Variants in NBL1 observed in about 807,000 individuals in gnomAD.
NBL1 encodes neuroblastoma suppressor of tumorigenicity 1.
Under a neutral mutation model 16.0 loss-of-function variants are expected in NBL1, and 9 were observed. The ratio of observed to expected loss-of-function variants is 0.56; its 90% CI spans 0.34 to 0.98. The LOEUF is 0.98. NBL1 is among the 50% of genes least tolerant of loss of function. The pLI is 0.02. For missense variants in NBL1, 196 were observed against 243.1 expected (o/e 0.81, Z 1.29); for synonymous variants, 86 against 100.7 (o/e 0.85, Z 0.87).
intron 1 of NBL1, chr1:19,646,032 C>T (rs1435568519): frequency 5.2e-6 from 8 of 1,550,536 alleles, no homozygotes; most frequent in East Asian, 2.4e-5. Flanking sequence ...GGAGGGTCTG[C>T]GGTAAGGAGG....
chr1:19,647,882 T>TGCGC (rs1553313284), intron 1 of NBL1, among the ~76,000 whole-genome samples: 2 of 137,082 alleles, frequency 1.5e-5, no homozygotes, highest in African/African-American at 5.7e-5. Flanking sequence ...TGTGTGTGTG[T>TGCGC]GCGTGTGCGC....
chr1:19,643,579 G>T, upstream of NBL1: 1 of 1,407,654 alleles, frequency 7.1e-7, no homozygotes, highest in Non-Finnish European at 9.2e-7. This position sits in a 1 kb window ranked among gnomAD's most constrained non-coding sequence, Gnocchi z 4.7. Context: ...CCGAGGTGAG[G>T]CTGGAAGCTG....
chr1:19,645,652 T>A (rs2094974538), intron 1 of NBL1: 2 of 1,159,818 alleles, frequency 1.7e-6, no homozygotes, highest in East Asian at 1.1e-4. Context: ...TGGGGCTGCT[T>A]GGGCGTGGTT....
At chr1:19,654,105 A>G (rs2095042996) in intron 1 of NBL1, among the ~76,000 whole-genome samples, 4 of 152,174 alleles carry the variant, frequency 2.6e-5, no homozygotes, top group Admixed American at 2.0e-4. Context: ...TGGCCAGCCA[A>G]GGTGGCCCAG....
intron 3 of NBL1, 88 bp from the exon 4 acceptor site, chr1:19,656,778 A>C: frequency 6.8e-7 from 1 of 1,464,396 alleles, no homozygotes. Context: ...GGGATTCTTG[A>C]TCCCATGAGG....
At position 19,657,982 on chromosome 1, in the gene NBL1, C is replaced by T. The variant is rs76014377; in HGVS notation, c.*853C>T. On this transcript the variant is annotated 3_prime_UTR_variant, in exon 4 of 4. Coordinates refer to ENST00000375136, the MANE Select transcript of NBL1 (RefSeq NM_005380.8). ...CCAGAAAGCTGCCAGAGCCGGCCGCCTTCTCCCCTCTCCCAGGGATGCTCT... is the reference window on the plus strand; with the variant it reads ...CCAGAAAGCTGCCAGAGCCGGCCGCTTTCTCCCCTCTCCCAGGGATGCTCT... 1,283 of 153,150 alleles carry T rather than the reference C, an allele frequency of 8.4e-3. 18 individuals carry two copies. Among genetic ancestry groups the T allele is most frequent in the African/African-American group, 0.029 (1,214 of 41,578 alleles). The allele number at this position is 153,150 out of a possible 1,614,324, so 9.5% of individuals were successfully genotyped here.
chr1:19,645,622 C>T, intron 1 of NBL1: 1 of 1,115,370 alleles, frequency 9.0e-7, no homozygotes, highest in African/African-American at 1.6e-5. Context: ...AATGGGGCCT[C>T]CCTAGACTCC....
chr1:19,643,796 G>A, upstream of NBL1: 8 of 1,010,890 alleles, frequency 7.9e-6, no homozygotes, highest in Non-Finnish European at 9.5e-6. The surrounding 1 kb of genome is among the most constrained non-coding windows in gnomAD (Gnocchi z 4.7). Context: ...GGAGCGGACG[G>A]GATGAGGTGC....
Position 19,655,485 on chromosome 1 carries a change from AGCCTTG to A in NBL1, c.282+56_282+61del, listed in dbSNP as rs748990782. ...CCAGTCTCGGCCCGGAGCCTGCCCC[AGCCTTG>A]GCCTTTCTCCCCAGGCTCCTGTATT... On this transcript the variant is annotated intron_variant, in intron 3 of 3. Coordinates refer to ENST00000375136, the MANE Select transcript of NBL1 (RefSeq NM_005380.8). The A allele has an allele frequency of 4.4e-6, 7 of 1,594,174 alleles. No homozygotes were observed. The South Asian group carries it at 7.9e-5, about 18-fold the overall frequency.
At chr1:19,643,243 G>T, upstream of NBL1, 1 of 1,465,914 alleles carries the variant, frequency 6.8e-7, no homozygotes, top group Non-Finnish European at 9.5e-7. The surrounding 1 kb of genome is among the most constrained non-coding windows in gnomAD (Gnocchi z 4.7). Context: ...ATGCAGGCTG[G>T]GTGTGGAGGG....
chr1:19,646,281 G>GCCAGGCCAGGCTGAA (rs1362654671), intron 1 of NBL1, among the ~76,000 whole-genome samples: 1 of 152,246 alleles, frequency 6.6e-6, no homozygotes, highest in Non-Finnish European at 1.5e-5. Flanking sequence ...TGCTGAAATG[G>GCCAGGCCAGGCTGAA]ACGTTCCCAG....
chr1:19,650,288 A>G (rs1115163), intron 1 of NBL1, among the ~76,000 whole-genome samples: 72,827 of 152,064 alleles, frequency 0.48, 17,940 homozygotes, highest in African/African-American at 0.55. Flanking sequence ...GCATGACTAT[A>G]GTTGCGCTCT....
intron 1 of NBL1, chr1:19,645,876 C>T: frequency 6.5e-7 from 1 of 1,534,616 alleles, no homozygotes. Flanking sequence ...CCCCCACCCA[C>T]AACCTCAAGG....
At chr1:19,643,523 G>T (rs2094960224), upstream of NBL1, 5 of 1,482,904 alleles carry the variant, frequency 3.4e-6, no homozygotes, top group African/African-American at 2.8e-5. This position sits in a 1 kb window ranked among gnomAD's most constrained non-coding sequence, Gnocchi z 4.7. Flanking sequence ...AATAGAGAAG[G>T]TACGGCCGCA....
intron 1 of NBL1, among the ~76,000 whole-genome samples, chr1:19,652,751 G>T (rs564675250): frequency 6.6e-6 from 1 of 152,190 alleles, no homozygotes; most frequent in African/African-American, 2.4e-5. Flanking sequence ...ACCTTGGGAG[G>T]CCGAGGTGGG....
In NBL1 at chr1:19,657,315, A is replaced by G; in HGVS notation, c.*186A>G. 2 of 424,912 alleles carry G rather than the reference A, an allele frequency of 4.7e-6. No homozygotes were observed. Among genetic ancestry groups the G allele is most frequent in the Non-Finnish European group, 8.4e-6 (2 of 237,366 alleles). 26.3% of individuals were successfully genotyped at this position (424,912 alleles called of 1,614,324 possible). On this transcript the variant is annotated 3_prime_UTR_variant, in exon 4 of 4. Transcript: ENST00000375136. ...GGCGGGGTTAGAGCCAAGCTGCACA[A>G]TTTAATATATTCAAGAGTGGGGGGA... is the stretch of plus-strand genomic sequence containing the variant.
Position 19,657,044 on chromosome 1 carries a change from C to T in NBL1, c.461C>T (p.Pro154Leu). 6.4e-7 allele frequency: 1 copy of T among 1,551,986 alleles called. No homozygotes were observed. Among genetic ancestry groups the T allele is most frequent in the Non-Finnish European group, 8.7e-7 (1 of 1,148,142 alleles). Reference sequence around the variant, plus strand: ...CCCGGCACCCACCCTCACCCCCATCCCCACCCCCATCCTGGCGGGCAGACC... The same window carrying T: ...CCCGGCACCCACCCTCACCCCCATCTCCACCCCCATCCTGGCGGGCAGACC... ...SQPGTHPHPH[P>L]HPHPGGQTPE... The change falls in exon 4 of 4, where the codon CCC (proline) becomes CTC (leucine). Residue 154 changes from proline (P) to leucine (L), a missense_variant. Transcript: ENST00000375136.
upstream of NBL1, chr1:19,643,515 T>C: frequency 2.0e-6 from 3 of 1,500,668 alleles, no homozygotes; most frequent in East Asian, 4.9e-5. This position sits in a 1 kb window ranked among gnomAD's most constrained non-coding sequence, Gnocchi z 4.7. Context: ...GCACACAGAA[T>C]AGAGAAGGTA....
At chr1:19,655,802 T>G (rs554862645) in intron 3 of NBL1, among the ~76,000 whole-genome samples, 8 of 152,292 alleles carry the variant, frequency 5.3e-5, no homozygotes, top group African/African-American at 1.7e-4. Context: ...CTTCCTGCCT[T>G]CCTTAGTAGC....
Sources: allele counts gnomAD v4.1 joint callset (sites outside exome capture counted in the v4.1 genomes callset), GRCh38; gene constraint gnomAD v4.1.1; non-coding constraint Gnocchi (gnomAD v3.1); transcripts MANE v1.5; gene names NCBI Gene and HGNC (gene_info 2026-07-23, HGNC 2026-07-21).